The following LRRC8D variants were observed in gnomAD, a reference collection of about 807,000 sequenced individuals.
The protein encoded by LRRC8D is leucine rich repeat containing 8 VRAC subunit D.
LRRC8D carries 20 observed loss-of-function variants against 55.8 expected under a neutral mutation model. The observed-to-expected ratio is 0.36, with a 90% CI of 0.25 to 0.52. LRRC8D has a LOEUF of 0.52. LRRC8D is among the 20% of genes least tolerant of loss of function. The pLI, the probability that LRRC8D is intolerant of heterozygous loss-of-function variation, is 0.93. For missense variants in LRRC8D, 651 were observed against 1,030.8 expected, an observed-to-expected ratio of 0.63 and a Z score of 5.05; for synonymous variants, 352 against 377.0, an observed-to-expected ratio of 0.93 and a Z score of 0.77.
At chr1:89,922,311 T>A (rs556854543) in intron 2 of LRRC8D, among the ~76,000 whole-genome samples, 1 of 152,060 alleles carries the variant, frequency 6.6e-6, no homozygotes, top group South Asian at 2.1e-4. Context: ...GTGATCCACC[T>A]GCCTTGGCCT....
intron 1 of LRRC8D, among the ~76,000 whole-genome samples, chr1:89,838,350 G>A (rs1661050899): frequency 6.6e-6 from 1 of 152,062 alleles, no homozygotes; most frequent in South Asian, 2.1e-4. Flanking sequence ...ACTCCAGCCT[G>A]GGAAACAGAG....
chr1:89,930,596 A>G (rs1326381688), intron 2 of LRRC8D, among the ~76,000 whole-genome samples: 1 of 152,120 alleles, frequency 6.6e-6, no homozygotes, highest in South Asian at 2.1e-4. Flanking sequence ...TGAAAGAACT[A>G]TTACATGCAA....
chr1:89,923,381 C>G (rs1483418285), intron 2 of LRRC8D, among the ~76,000 whole-genome samples: 1 of 152,104 alleles, frequency 6.6e-6, no homozygotes, highest in Non-Finnish European at 1.5e-5. Context: ...ATTCTGAGTC[C>G]TGATTCACTA....
At chr1:89,837,438 A>G (rs1325774100) in intron 1 of LRRC8D, among the ~76,000 whole-genome samples, 1 of 152,196 alleles carries the variant, frequency 6.6e-6, no homozygotes, top group African/African-American at 2.4e-5. Context: ...ACTTTCACAC[A>G]AGGGAAAGCA....
chr1:89,924,911 C>T (rs1663518551), intron 2 of LRRC8D, among the ~76,000 whole-genome samples: 1 of 152,064 alleles, frequency 6.6e-6, no homozygotes, highest in African/African-American at 2.4e-5. Context: ...CAGGGGCCTG[C>T]TTAATAGGGG....
chr1:89,893,088 G>A (rs1662620954), intron 2 of LRRC8D, among the ~76,000 whole-genome samples: 1 of 152,070 alleles, frequency 6.6e-6, no homozygotes, highest in African/African-American at 2.4e-5. Context: ...GGATCCATAA[G>A]CAACCAAAAA....
chr1:89,930,592 A>T (rs1663680899), intron 2 of LRRC8D, among the ~76,000 whole-genome samples: 1 of 152,078 alleles, frequency 6.6e-6, no homozygotes, highest in Non-Finnish European at 1.5e-5. Flanking sequence ...TATTTGAAAG[A>T]ACTATTACAT....
intron 2 of LRRC8D, among the ~76,000 whole-genome samples, chr1:89,890,042 T>C (rs1205770699): frequency 6.7e-6 from 1 of 148,530 alleles, no homozygotes; most frequent in Non-Finnish European, 1.5e-5. Context: ...AAAAAATTAG[T>C]TGAGCGTGTT....
At chr1:89,847,696 G>C (rs535923697) in intron 2 of LRRC8D, among the ~76,000 whole-genome samples, 1 of 152,264 alleles carries the variant, frequency 6.6e-6, no homozygotes, top group African/African-American at 2.4e-5. Flanking sequence ...ATTGTAAACT[G>C]TAATGCAGTG....
chr1:89,838,561 A>G (rs1661058217), intron 1 of LRRC8D, among the ~76,000 whole-genome samples: 1 of 152,224 alleles, frequency 6.6e-6, no homozygotes, highest in South Asian at 2.1e-4. Context: ...ATCCAAGGCT[A>G]TTCATTCCTA....
At chr1:89,906,950 A>G (rs1035129407) in intron 2 of LRRC8D, among the ~76,000 whole-genome samples, 6 of 152,076 alleles carry the variant, frequency 3.9e-5, no homozygotes, top group African/African-American at 1.4e-4. Flanking sequence ...GAAAAGGAAT[A>G]GGTCTGGGTG....
At chr1:89,868,945 C>T (rs552099466) in intron 2 of LRRC8D, among the ~76,000 whole-genome samples, 2 of 152,216 alleles carry the variant, frequency 1.3e-5, no homozygotes, top group African/African-American at 2.4e-5. Context: ...CTCACTCTTT[C>T]GCCCAGGCTG....
intron 2 of LRRC8D, among the ~76,000 whole-genome samples, chr1:89,917,577 T>A (rs1663307069): frequency 6.6e-6 from 1 of 152,162 alleles, no homozygotes; most frequent in Non-Finnish European, 1.5e-5. Context: ...TTGCACATTC[T>A]GGGCCACCAT....
chr1:89,885,394 C>T (rs374071795), intron 2 of LRRC8D, among the ~76,000 whole-genome samples: 19 of 152,314 alleles, frequency 1.2e-4, no homozygotes, highest in African/African-American at 4.6e-4. Flanking sequence ...CCCAGAAACA[C>T]ATTTTCCTTT....
intron 2 of LRRC8D, among the ~76,000 whole-genome samples, chr1:89,853,204 A>T (rs1221296539): frequency 6.6e-6 from 1 of 152,204 alleles, no homozygotes; most frequent in Non-Finnish European, 1.5e-5. Flanking sequence ...GAGGAAGGAA[A>T]AAGATGATTC....
At chr1:89,897,751 A>G (rs192635933) in intron 2 of LRRC8D, among the ~76,000 whole-genome samples, 194 of 152,344 alleles carry the variant, frequency 1.3e-3, no homozygotes, top group African/African-American at 4.5e-3. Flanking sequence ...CTGAAGGTCA[A>G]TAGTTTGCTC....
intron 2 of LRRC8D, among the ~76,000 whole-genome samples, chr1:89,848,969 A>C (rs920764255): frequency 6.6e-6 from 1 of 152,122 alleles, no homozygotes; most frequent in Non-Finnish European, 1.5e-5. Flanking sequence ...AAGTGCTGGG[A>C]TTACACGCAT....
At chr1:89,899,945 G>A (rs1332806736) in intron 2 of LRRC8D, among the ~76,000 whole-genome samples, 1 of 152,192 alleles carries the variant, frequency 6.6e-6, no homozygotes, top group East Asian at 1.9e-4. Context: ...CCCCTTCCAT[G>A]TGCTGGGTAG....
chr1:89,869,894 G>A (rs1015134769), intron 2 of LRRC8D, among the ~76,000 whole-genome samples: 3 of 152,000 alleles, frequency 2.0e-5, no homozygotes, highest in Admixed American at 1.3e-4. Flanking sequence ...CGGATCACAA[G>A]GTCAGGAGTT....
Sources: gnomAD v4.1 joint callset for allele counts (sites outside exome capture counted in the v4.1 genomes callset) on GRCh38, gnomAD v4.1.1 for gene constraint, MANE v1.5 for transcripts, NCBI Gene and HGNC (gene_info 2026-07-23, HGNC 2026-07-21) for gene names.